PUDP: variants seen among roughly 807,000 people sequenced by gnomAD.
PUDP encodes pseudouridine 5'-phosphatase, also known as pseudouridine-5'-phosphatase.
Under a neutral mutation model 9.4 loss-of-function variants are expected in PUDP, and 8 were observed. The ratio of observed to expected loss-of-function variants is 0.85; its 90% CI spans 0.50 to 1.53. The LOEUF is 1.53. Ranked by LOEUF, PUDP falls within the 40% of genes most tolerant of loss-of-function variation. PUDP has a pLI of 0.00. For missense variants in PUDP, 188 were observed against 189.7 expected, an observed-to-expected ratio of 0.99 and a Z score of 0.05; for synonymous variants, 99 against 80.7, an observed-to-expected ratio of 1.23 and a Z score of -1.22.
At chrX:6,885,482 C>T (rs1190495760) in intron 3 of PUDP, among the ~76,000 whole-genome samples, 1 of 111,856 alleles carries the variant, frequency 8.9e-6, no homozygotes, top group Non-Finnish European at 1.9e-5. Context: ...CAAGTCATGG[C>T]ACTCAACAAG....
At chrX:6,915,035 T>TA (rs1927908878) in intron 3 of PUDP, among the ~76,000 whole-genome samples, 1 of 112,436 alleles carries the variant, frequency 8.9e-6, no homozygotes, top group South Asian at 3.7e-4. Context: ...ATCACATTTT[T>TA]AAAAAATGTC....
intron 3 of PUDP, among the ~76,000 whole-genome samples, chrX:6,897,352 A>G (rs1927607469): frequency 8.9e-6 from 1 of 111,733 alleles, no homozygotes; most frequent in African/African-American, 3.3e-5. Context: ...ATTGGAGTAG[A>G]CTCCAAAATC....
At chrX:7,013,753 C>T (rs1358673909) in intron 1 of PUDP, among the ~76,000 whole-genome samples, 1 of 111,883 alleles carries the variant, frequency 8.9e-6, no homozygotes, top group Non-Finnish European at 1.9e-5. Context: ...CTTTGGGCTC[C>T]AGCCCCGCAG....
chrX:6,905,934 A>C (rs1164388788), intron 3 of PUDP, among the ~76,000 whole-genome samples: 1 of 112,144 alleles, frequency 8.9e-6, no homozygotes, highest in Admixed American at 9.5e-5. Context: ...CACCAATAAC[A>C]TTGGAAATTT....
chrX:7,058,580 G>A (rs1930312077), intron 3 of PUDP, among the ~76,000 whole-genome samples: 1 of 112,115 alleles, frequency 8.9e-6, no homozygotes, highest in East Asian at 2.8e-4. Flanking sequence ...GATTGGCAGT[G>A]CTCATATCTA....
intron 1 of PUDP, among the ~76,000 whole-genome samples, chrX:7,014,171 T>A (rs749024029): frequency 9.1e-6 from 1 of 110,235 alleles, no homozygotes; most frequent in African/African-American, 3.3e-5. Flanking sequence ...CATCTGCCAT[T>A]TGTCTGCTTG....
At chrX:6,862,560 C>A (rs185345244) in intron 3 of PUDP, among the ~76,000 whole-genome samples, 1 of 111,414 alleles carries the variant, frequency 9.0e-6, no homozygotes. Flanking sequence ...CTAAAAGGGA[C>A]GGGGTTTTTC....
chrX:6,997,595 G>GTTTATTTCTATTT, intron 1 of PUDP, among the ~76,000 whole-genome samples: 1 of 112,205 alleles, frequency 8.9e-6, no homozygotes, highest in Admixed American at 9.5e-5. Flanking sequence ...AAATAGTGCA[G>GTTTATTTCTATTT]ATTTCCATCT....
intron 3 of PUDP, among the ~76,000 whole-genome samples, chrX:6,797,881 G>A (rs1235124911): frequency 8.9e-6 from 1 of 112,362 alleles, no homozygotes; most frequent in Non-Finnish European, 1.9e-5. Context: ...GGAACAAGAT[G>A]AAATTATGAT....
At chrX:6,770,798 G>A (rs1925352336) in intron 3 of PUDP, among the ~76,000 whole-genome samples, 1 of 111,382 alleles carries the variant, frequency 9.0e-6, no homozygotes, top group Non-Finnish European at 1.9e-5. Flanking sequence ...TGCAATGCTG[G>A]GCTGCCTGGT....
intron 3 of PUDP, among the ~76,000 whole-genome samples, chrX:6,880,810 C>G (rs1927335936): frequency 8.9e-6 from 1 of 111,841 alleles, no homozygotes; most frequent in Admixed American, 9.5e-5. Context: ...GCTCTGCCAT[C>G]TACTATATCA....
chrX:6,908,648 G>A (rs1480246312), intron 3 of PUDP, among the ~76,000 whole-genome samples: 3 of 111,172 alleles, frequency 2.7e-5, no homozygotes, highest in Non-Finnish European at 5.6e-5. Flanking sequence ...CCTTGGTGTC[G>A]AGTCTTCCTC....
chrX:6,875,792 T>G (rs1467934288), intron 3 of PUDP, among the ~76,000 whole-genome samples: 1 of 112,131 alleles, frequency 8.9e-6, no homozygotes, highest in Admixed American at 9.5e-5. Flanking sequence ...CCTTCCATCC[T>G]TTGCAGTACT....
chrX:6,758,857 A>G (rs1925198728), intron 3 of PUDP, among the ~76,000 whole-genome samples: 1 of 111,805 alleles, frequency 8.9e-6, no homozygotes, highest in African/African-American at 3.2e-5. Context: ...TGCAGAATCC[A>G]GCCGTGTGGC....
upstream of PUDP, among the ~76,000 whole-genome samples, chrX:6,723,432 CAAAAAAAAAA>C (rs549361509): frequency 3.5e-4 from 6 of 17,329 alleles, no homozygotes; most frequent in South Asian, 5.0e-3. Context: ...GAGGCTCTGT[CAAAAAAAAAA>C]AAAAAAAAAA....
At chrX:6,731,453 A>G (rs1924806937) in intron 3 of PUDP, among the ~76,000 whole-genome samples, 1 of 111,501 alleles carries the variant, frequency 9.0e-6, no homozygotes, top group South Asian at 3.8e-4. Context: ...AAAACCAACT[A>G]AAATAATGGG....
At chrX:6,905,113 G>T (rs1927748620) in intron 3 of PUDP, among the ~76,000 whole-genome samples, 1 of 111,487 alleles carries the variant, frequency 9.0e-6, no homozygotes, top group African/African-American at 3.3e-5. Context: ...TATTGACATA[G>T]AAGAAAAAAG....
At chrX:6,838,872 T>G (rs1298311351) in intron 3 of PUDP, among the ~76,000 whole-genome samples, 3 of 112,094 alleles carry the variant, frequency 2.7e-5, no homozygotes, top group East Asian at 5.6e-4. Flanking sequence ...GTGACTGTGC[T>G]CCATCAAGTC....
At chrX:6,932,551 G>C (rs2146770280) in intron 3 of PUDP, among the ~76,000 whole-genome samples, 1 of 111,536 alleles carries the variant, frequency 9.0e-6, no homozygotes, top group Non-Finnish European at 1.9e-5. Flanking sequence ...CGACGCAGAA[G>C]ACGGTGATTT....
Sources: gnomAD v4.1 joint callset for allele counts (sites outside exome capture counted in the v4.1 genomes callset) on GRCh38, gnomAD v4.1.1 for gene constraint, MANE v1.5 for transcripts, NCBI Gene and HGNC (gene_info 2026-07-23, HGNC 2026-07-21) for gene names.